Variants in SLC4A11 observed in about 807,000 individuals in gnomAD.
SLC4A11 encodes the protein solute carrier family 4 member 11, also known as bicarbonate transporter related protein 1.
SLC4A11 carries 74 observed loss-of-function variants against 95.0 expected under a neutral mutation model. That is an observed-to-expected ratio of 0.78 (90% CI 0.65 to 0.95). The LOEUF (loss-of-function observed/expected upper bound fraction) is 0.95, where lower values mean the gene tolerates loss of function less well. SLC4A11 is among the 40% of genes least tolerant of loss of function. The probability of loss-of-function intolerance (pLI) is 0.00; values close to 1 mark genes in which losing one functional copy is unlikely to be tolerated. For synonymous variants in SLC4A11, 548 were observed against 519.0 expected, an observed-to-expected ratio of 1.06 and a Z score of -0.76; for missense variants, 1,081 against 1,192.4, an observed-to-expected ratio of 0.91 and a Z score of 1.38.
Position 3,227,657 on chromosome 20 carries a change from G to T in SLC4A11, c.*130C>A. 1 of 936,382 alleles carries T rather than the reference G, an allele frequency of 1.1e-6. No homozygotes were observed. The highest frequency in any genetic ancestry group is 1.7e-6 in the Non-Finnish European group (1 of 599,930). The allele number at this position is 936,382 out of a possible 1,614,324, so 58.0% of individuals were successfully genotyped here. A position where few individuals can be genotyped will look rare whatever the true frequency, so the allele number is the denominator to read the frequency against. On this transcript the variant is annotated 3_prime_UTR_variant, in exon 20 of 20. Coordinates refer to ENST00000642402, the MANE Select transcript of SLC4A11 (RefSeq NM_001174089.2). ...CCCCTACAATGCCCAGATGCCCCAG[G>T]CCTGAGTCAGCCATGAGAAGGCGCA...
chr20:3,229,303 T>G, intron 15 of SLC4A11, 40 bp from the exon 16 acceptor site: 1 of 1,613,028 alleles, frequency 6.2e-7, no homozygotes, highest in Non-Finnish European at 8.5e-7. Flanking sequence ...CTGCAGCGCC[T>G]GGGGAGCTAC....
At chr20:3,233,753 G>C (rs150523330) in intron 6 of SLC4A11, 116 bp from the exon 7 acceptor site, 33 of 1,548,234 alleles carry the variant, frequency 2.1e-5, no homozygotes, top group Non-Finnish European at 4.4e-6. Flanking sequence ...GGGAAAAGAA[G>C]AGCAAATGGG....
Position 3,237,988 on chromosome 20 carries a change from G to C in SLC4A11, c.44-400C>G, listed in dbSNP as rs3810562. The C allele has an allele frequency of 0.6, 929,608 of 1,548,082 alleles. 281,656 individuals are homozygous for C. Among genetic ancestry groups the C allele is most frequent in the African/African-American group, 0.79 (57,873 of 73,094 alleles). On this transcript the variant is annotated intron_variant, in intron 1 of 19. Coordinates refer to ENST00000642402, the MANE Select transcript of SLC4A11 (RefSeq NM_001174089.2). Reference sequence around the variant, plus strand: ...AGCGGGCCTCTCCCCCTCTCTCCTCGGATGCCAAGGCGGGGGATCTCTCTG... The same window carrying C: ...AGCGGGCCTCTCCCCCTCTCTCCTCCGATGCCAAGGCGGGGGATCTCTCTG...
In SLC4A11 at chr20:3,234,706, C is replaced by A. The variant is rs549760366; in HGVS notation, c.241+36G>T. 3 of 1,613,870 alleles carry A rather than the reference C, an allele frequency of 1.9e-6. No homozygotes were observed. The highest frequency in any genetic ancestry group is 2.2e-5 in the South Asian group (2 of 91,082). ...CGAGTCACACCTGCCCAGTCCCGTG[C>A]CTTCCCCCAGTCTGCCCCTGCTGCA... On this transcript the variant is annotated intron_variant, in intron 3 of 19. Transcript: ENST00000642402. This position sits in a 1 kb window ranked among gnomAD's most constrained non-coding sequence, Gnocchi z 5.8.
rs1420956301 is a variant in SLC4A11 at position 3,233,548 on chromosome 20, C to T, written c.695G>A (p.Arg232Gln). 13 of 1,613,764 alleles carry T rather than the reference C, an allele frequency of 8.1e-6. No individual in the cohort carries two copies. Among genetic ancestry groups the T allele is most frequent in the East Asian group, 2.2e-5 (1 of 44,856 alleles). ...QNWGENSCEVRFVILVLAPPK... is the reference protein window; with the variant it reads ...QNWGENSCEVQFVILVLAPPK... ...TGGGGCCAGCACCAGGATGACGAACCGAACCTCACAGGAATTCTCCCCCCA... is the reference window on the plus strand; with the variant it reads ...TGGGGCCAGCACCAGGATGACGAACTGAACCTCACAGGAATTCTCCCCCCA... The change falls in exon 7 of 20, where the codon CGG (arginine) becomes CAG (glutamine). Residue 232 changes from arginine to glutamine, a missense_variant. Physicochemically the swap from Arg to Gln is conservative, Grantham distance 43. Coordinates refer to ENST00000642402, the MANE Select transcript of SLC4A11 (RefSeq NM_001174089.2).
chr20:3,237,467 T>A, intron 2 of SLC4A11, 77 bp downstream of exon 2: 2 of 1,446,080 alleles, frequency 1.4e-6, no homozygotes, highest in Admixed American at 1.7e-5. Flanking sequence ...AGGACTCTGG[T>A]GGGTAGGCTA....
Position 3,228,441 on chromosome 20 carries a change from G to C in SLC4A11, c.2389-13C>G. 10 of 1,613,112 alleles carry C rather than the reference G, an allele frequency of 6.2e-6. No individual in the cohort carries two copies. The highest frequency in any genetic ancestry group is 8.5e-6 in the Non-Finnish European group (10 of 1,179,938). ...GGGGGTACGCAGTCTGTGGGCGGCAGGGACCGGGTGTGGGCAGGCATGGGG... is the reference window on the plus strand; with the variant it reads ...GGGGGTACGCAGTCTGTGGGCGGCACGGACCGGGTGTGGGCAGGCATGGGG... On this transcript the variant is annotated splice_polypyrimidine_tract_variant and intron_variant, in intron 18 of 19. Transcript: ENST00000642402.
intron 16 of SLC4A11, 35 bp downstream of exon 16, chr20:3,229,060 G>GGGCCCCCCCC: frequency 6.5e-7 from 1 of 1,542,094 alleles, no homozygotes; most frequent in Non-Finnish European, 8.7e-7. Flanking sequence ...AGAGGCCCGG[G>GGGCCCCCCCC]CCCCGCCCAC....
intron 12 of SLC4A11, 95 bp downstream of exon 12, chr20:3,230,420 T>TA: frequency 4.4e-6 from 7 of 1,590,982 alleles, no homozygotes; most frequent in Non-Finnish European, 5.2e-6. Context: ...GGGGCAGCAA[T>TA]ATGGTGGGGG....
At position 3,231,518 on chromosome 20, in the gene SLC4A11, G is replaced by A. The variant is rs777948446; in HGVS notation, c.760C>T (p.Arg254Cys). 1.4e-5 allele frequency: 23 copies of A among 1,613,816 alleles called. No homozygotes were observed. Among genetic ancestry groups the A allele is most frequent in the Admixed American group, 8.3e-5 (5 of 60,006 alleles). ...KSTKTAMEVA[R>C]TFATMFSDIA... ...TCCGAGAACATGGTGGCAAACGTGC[G>A]CGCCACCTCCATCGCAGTCTTAGTG... Residue 254 changes from arginine (R) to cysteine (C), a missense_variant, in exon 8 of 20, where the codon CGC (arginine) becomes TGC (cysteine). By Grantham distance (180) the Arg-to-Cys change is radical. Around this residue, in one of 3 missense-constraint regions of SLC4A11, gnomAD observed 767 missense variants for 858.0 expected, o/e 0.89. Transcript: ENST00000642402. The surrounding 1 kb of genome is among the most constrained non-coding windows in gnomAD (Gnocchi z 5.2).
intron 2 of SLC4A11, among the ~76,000 whole-genome samples, chr20:3,236,144 C>T (rs568323599): frequency 3.0e-4 from 45 of 152,154 alleles, no homozygotes; most frequent in Admixed American, 1.3e-4. Flanking sequence ...CTACTCCCGC[C>T]GCCAGTTTCC....
At chr20:3,228,153 C>CCCCAAAA in intron 19 of SLC4A11, 106 bp downstream of exon 19, 3 of 1,017,552 alleles carry the variant, frequency 2.9e-6, no homozygotes, top group Non-Finnish European at 4.4e-6. Flanking sequence ...CCAACCCGCC[C>CCCCAAAA]ATTCTCCGCC....
At chr20:3,235,288 C>G (rs992350972) in intron 2 of SLC4A11, among the ~76,000 whole-genome samples, 69 of 103,078 alleles carry the variant, frequency 6.7e-4, no homozygotes, top group Admixed American at 2.7e-3. Context: ...ACGTCTCTCT[C>G]TCTCTCTCTC....
At chr20:3,230,151 C>T (rs762488332) in intron 13 of SLC4A11, 36 bp downstream of exon 13, 21 of 1,609,784 alleles carry the variant, frequency 1.3e-5, no homozygotes, top group Admixed American at 1.0e-4. Context: ...CTCGGCTGAG[C>T]GCCCTGTTCA....
intron 2 of SLC4A11, among the ~76,000 whole-genome samples, chr20:3,235,305 TCTCTCACACA>T (rs1323909913): frequency 1.1e-3 from 116 of 109,886 alleles, no homozygotes; most frequent in African/African-American, 3.4e-3. Context: ...TCTCTCTCTC[TCTCTCACACA>T]CACACACACA....
At chr20:3,238,201 G>A in intron 1 of SLC4A11, 2 of 1,421,900 alleles carry the variant, frequency 1.4e-6, no homozygotes, top group Non-Finnish European at 1.8e-6. Context: ...GAACAATTGG[G>A]GGTGGGAGGA....
At position 3,234,523 on chromosome 20, in the gene SLC4A11, C is replaced by A. The variant is rs766129166; in HGVS notation, c.291+45G>T. 4.3e-6 allele frequency: 7 copies of A among 1,612,610 alleles called. No homozygotes were observed. ...TTCTCAGGGAAGCCATCACCTCAGC[C>A]CCCAGGTAGAGGCCCCAGGACCACC... On this transcript the variant is annotated intron_variant, in intron 4 of 19. Coordinates refer to ENST00000642402, the MANE Select transcript of SLC4A11 (RefSeq NM_001174089.2). This position sits in a 1 kb window ranked among gnomAD's most constrained non-coding sequence, Gnocchi z 5.8.
chr20:3,229,744 C>T lies in SLC4A11; in HGVS notation c.1522G>A (p.Asp508Asn), dbSNP rs1316919724. Reference sequence around the variant, plus strand: ...GAAGTCCTTTTTGTGTGATAGTCGTCCAAGTAATGCCCATAGTAGTACTTC... The same window carrying T: ...GAAGTCCTTTTTGTGTGATAGTCGTTCAAGTAATGCCCATAGTAGTACTTC... ...FWKYYYGHYLDDYHTKRTSSL... is the reference protein window; with the variant it reads ...FWKYYYGHYLNDYHTKRTSSL... Residue 508 changes from aspartate (D) to asparagine (N), a missense_variant, in exon 14 of 20, where the codon GAC (aspartate) becomes AAC (asparagine). Coordinates refer to ENST00000642402, the MANE Select transcript of SLC4A11 (RefSeq NM_001174089.2). 6 of 1,613,874 alleles carry T rather than the reference C, an allele frequency of 3.7e-6. No individual in the cohort carries two copies. Among genetic ancestry groups the T allele is most frequent in the Admixed American group, 1.7e-5 (1 of 60,000 alleles).
chr20:3,230,900 A>ACCCCCACCCCCCCCCCACCCCCCCC, intron 10 of SLC4A11, 33 bp downstream of exon 10: 1 of 1,610,750 alleles, frequency 6.2e-7, no homozygotes, highest in South Asian at 1.1e-5. Flanking sequence ...AGCCCAGCAT[A>ACCCCCACCCCCCCCCCACCCCCCCC]CCCCCACCCA....
Sources: gnomAD v4.1 joint callset for allele counts (sites outside exome capture counted in the v4.1 genomes callset) on GRCh38, gnomAD v4.1.1 for gene constraint, gnomAD v4.1.1 regional missense constraint, Gnocchi (gnomAD v3.1) non-coding constraint, MANE v1.5 for transcripts, NCBI Gene and HGNC (gene_info 2026-07-23, HGNC 2026-07-21) for gene names.